TRAK1: variants seen among roughly 807,000 people sequenced by gnomAD.
TRAK1 encodes trafficking kinesin protein 1, also known as trafficking kinesin-binding protein 1.
Under a neutral mutation model 92.1 loss-of-function variants are expected in TRAK1, and 33 were observed. The observed-to-expected ratio is 0.36, with a 90% confidence interval of 0.27 to 0.48. TRAK1 has a LOEUF of 0.48. TRAK1 is among the 20% of genes least tolerant of loss of function. The pLI is 0.99. For synonymous variants in TRAK1, 521 were observed against 517.3 expected (o/e 1.01, Z -0.10); for missense variants, 1,123 against 1,257.9 (o/e 0.89, Z 1.62).
At chr3:42,068,815 A>G (rs559056553) in intron 1 of TRAK1, among the ~76,000 whole-genome samples, 69 of 152,226 alleles carry the variant, frequency 4.5e-4, no homozygotes, top group African/African-American at 1.6e-3. Context: ...TTTTCTTTAC[A>G]TTATTGTATT....
At chr3:42,048,592 C>G (rs1337551729) in intron 1 of TRAK1, among the ~76,000 whole-genome samples, 3 of 127,000 alleles carry the variant, frequency 2.4e-5, no homozygotes, top group Non-Finnish European at 4.8e-5. Context: ...GAGACAGTGT[C>G]TTTGTCTGTC....
Position 42,147,159 on chromosome 3 carries a change from T to C in TRAK1, c.286+21545T>C, listed in dbSNP as rs532295618. 5.3e-5 allele frequency among the ~76,000 whole-genome samples: 8 copies of C among 152,078 alleles called. No individual in the cohort carries two copies. In the East Asian group the frequency reaches 5.8e-4, roughly 11 times the overall value. ...CAATATTAAAGACTAGAGGGAGAGATGAGATGTGTCAGATAGCAGGGGCAG... is the reference window on the plus strand; with the variant it reads ...CAATATTAAAGACTAGAGGGAGAGACGAGATGTGTCAGATAGCAGGGGCAG... On this transcript the variant is annotated intron_variant, in intron 2 of 15. Transcript: ENST00000327628.
At chr3:42,218,500 G>A (rs1027651990) in intron 14 of TRAK1, 19 of 984,650 alleles carry the variant, frequency 1.9e-5, no homozygotes, top group African/African-American at 3.5e-5. Flanking sequence ...ATGCTATTTC[G>A]GGCAGCATCT....
At chr3:42,156,816 T>C (rs1431908740) in intron 2 of TRAK1, among the ~76,000 whole-genome samples, 1 of 152,144 alleles carries the variant, frequency 6.6e-6, no homozygotes, top group East Asian at 1.9e-4. Context: ...AACCAAATGA[T>C]CAAAGTAAAC....
intron 10 of TRAK1, among the ~76,000 whole-genome samples, chr3:42,198,097 G>T (rs150071792): frequency 1.3e-5 from 2 of 152,210 alleles, no homozygotes; most frequent in East Asian, 3.9e-4. Context: ...TTCCCTTCAG[G>T]TTATCCTCCA....
chr3:42,149,596 G>A, intron 2 of TRAK1: 1 of 1,536,064 alleles, frequency 6.5e-7, no homozygotes, highest in South Asian at 1.2e-5. Flanking sequence ...AGAATGCTCG[G>A]ATGGTAATTA....
chr3:42,207,387 A>G lies in TRAK1; in HGVS notation c.1745-2380A>G, dbSNP rs1283361513. Among the ~76,000 whole-genome samples, 3 of 152,132 alleles carry G rather than the reference A, an allele frequency of 2.0e-5. No homozygotes were observed. In the East Asian group the frequency reaches 5.8e-4, roughly 30 times the overall value. On this transcript the variant is annotated intron_variant, in intron 13 of 15. Coordinates refer to ENST00000327628, the MANE Select transcript of TRAK1 (RefSeq NM_001042646.3). ...CCATCTGGAAATTCTGCTGCTGACC[A>G]TTTGTGCAGCTGGGACACTGATGTC...
At chr3:42,147,375 A>G (rs1312932518) in intron 2 of TRAK1, among the ~76,000 whole-genome samples, 1 of 152,138 alleles carries the variant, frequency 6.6e-6, no homozygotes, top group Non-Finnish European at 1.5e-5. Flanking sequence ...GGAGGAAGAG[A>G]TGATGACAGA....
At chr3:42,175,711 T>G (rs1703126508) in intron 2 of TRAK1, among the ~76,000 whole-genome samples, 1 of 152,234 alleles carries the variant, frequency 6.6e-6, no homozygotes. Context: ...TGAATTCCAG[T>G]TGCTGTTTGC....
In TRAK1 at chr3:42,138,879, GT is replaced by G. The variant is rs1559820570; in HGVS notation, c.286+13266del. Among the ~76,000 whole-genome samples, 53 of 58,252 alleles carry G rather than the reference GT, an allele frequency of 9.1e-4. No homozygotes were observed. In the East Asian group the frequency reaches 0.014, roughly 16 times the overall value. The allele number at this position is 58,252 out of a possible 152,430, so 38.2% of individuals were successfully genotyped here. A position where few individuals can be genotyped will look rare whatever the true frequency, so the allele number is the denominator to read the frequency against. On this transcript the variant is annotated intron_variant, in intron 2 of 15. Transcript: ENST00000327628. ...TGACCTAAAAGAAAGCATAGGGGGT[GT>G]GTGTGTGTGTGTGTGTGTGTGTGTG...
intron 2 of TRAK1, among the ~76,000 whole-genome samples, chr3:42,147,491 T>G (rs1699457539): frequency 6.6e-6 from 1 of 152,230 alleles, no homozygotes; most frequent in South Asian, 2.1e-4. Context: ...TGGAATCCTA[T>G]TAACAATTTT....
At chr3:42,059,709 ATT>A in intron 1 of TRAK1, among the ~76,000 whole-genome samples, 1 of 152,208 alleles carries the variant, frequency 6.6e-6, no homozygotes, top group East Asian at 1.9e-4. Context: ...ATTTCAGAGT[ATT>A]TTTATTCTTC....
At chr3:42,184,956 G>A (rs376279207) in intron 4 of TRAK1, 155 bp downstream of exon 4, 12 of 631,790 alleles carry the variant, frequency 1.9e-5, no homozygotes, top group Non-Finnish European at 3.0e-5. Flanking sequence ...CTTCTGAAAC[G>A]TTCACCTGGG....
At chr3:42,197,794 G>A (rs1470158852) in intron 10 of TRAK1, among the ~76,000 whole-genome samples, 5 of 152,276 alleles carry the variant, frequency 3.3e-5, no homozygotes, top group East Asian at 3.9e-4. Flanking sequence ...GAGTCTCCCC[G>A]CTTGGTTCCA....
chr3:42,131,782 G>C (rs1452412186), intron 2 of TRAK1, among the ~76,000 whole-genome samples: 1 of 151,512 alleles, frequency 6.6e-6, no homozygotes, highest in Admixed American at 6.6e-5. Flanking sequence ...CCTTGGCCAG[G>C]CGTGGTGGCT....
upstream of TRAK1, chr3:42,090,957 A>T (rs959495516): frequency 6.4e-6 from 1 of 155,512 alleles, no homozygotes; most frequent in African/African-American, 2.4e-5. Flanking sequence ...AAAGGAAGAC[A>T]TTAAATGGAA....
intron 1 of TRAK1, among the ~76,000 whole-genome samples, chr3:42,020,045 G>T (rs1701670258): frequency 6.6e-6 from 1 of 152,224 alleles, no homozygotes; most frequent in South Asian, 2.1e-4. Context: ...CAAAGGGACT[G>T]ACGGTCCAGA....
Position 42,202,877 on chromosome 3 carries a change from G to T in TRAK1, c.1744+125G>T. 2 of 1,467,986 alleles carry T rather than the reference G, an allele frequency of 1.4e-6. No homozygotes were observed. The highest frequency in any genetic ancestry group is 9.0e-7 in the Non-Finnish European group (1 of 1,107,748). The allele number at this position is 1,467,986 out of a possible 1,614,324, so 90.9% of individuals were successfully genotyped here. A position where few individuals can be genotyped will look rare whatever the true frequency, so the allele number is the denominator to read the frequency against. On this transcript the variant is annotated intron_variant, in intron 13 of 15. Coordinates refer to ENST00000327628, the MANE Select transcript of TRAK1 (RefSeq NM_001042646.3). This position sits in a 1 kb window ranked among gnomAD's most constrained non-coding sequence, Gnocchi z 6.1. The stretch of plus-strand genomic sequence containing the variant: ...CCTTTTTCTTCCGCGACAGCCACCC[G>T]CGCTGCTGGTTTGAGTTCCTCTGAG...
At chr3:42,073,816 G>A (rs996376161) in intron 1 of TRAK1, among the ~76,000 whole-genome samples, 1 of 152,228 alleles carries the variant, frequency 6.6e-6, no homozygotes, top group African/African-American at 2.4e-5. Flanking sequence ...AATGAGGTAG[G>A]AGAGTGGTAA....
Sources: allele counts gnomAD v4.1 joint callset (sites outside exome capture counted in the v4.1 genomes callset), GRCh38; gene constraint gnomAD v4.1.1; non-coding constraint Gnocchi (gnomAD v3.1); transcripts MANE v1.5; gene names NCBI Gene and HGNC (gene_info 2026-07-23, HGNC 2026-07-21).